The following COL16A1 variants were observed in gnomAD, a reference collection of about 807,000 sequenced individuals.
The protein encoded by COL16A1 is collagen type XVI alpha 1 chain.
A neutral mutation model predicts 266.3 loss-of-function variants in COL16A1; 189 were observed. The ratio of observed to expected loss-of-function variants is 0.71; its 90% confidence interval spans 0.63 to 0.80. COL16A1 has a LOEUF of 0.80. COL16A1 is among the 30% of genes least tolerant of loss of function. The pLI is 0.00. For missense variants in COL16A1, 1,928 were observed against 2,122.4 expected, an observed-to-expected ratio of 0.91 and a Z score of 1.80; for synonymous variants, 740 against 782.3, an observed-to-expected ratio of 0.95 and a Z score of 0.90.
At chr1:31,682,281 G>A (rs1435243343) in intron 37 of COL16A1, among the ~76,000 whole-genome samples, 1 of 152,186 alleles carries the variant, frequency 6.6e-6, no homozygotes, top group African/African-American at 2.4e-5. Flanking sequence ...GGAGCCACTG[G>A]GTGAATAGTA....
At chr1:31,659,295 A>T (rs1557610938) in intron 62 of COL16A1, among the ~76,000 whole-genome samples, 1 of 152,164 alleles carries the variant, frequency 6.6e-6, no homozygotes, top group Non-Finnish European at 1.5e-5. Flanking sequence ...CTAGGTGGCT[A>T]CTGAGACCCT....
intron 8 of COL16A1, among the ~76,000 whole-genome samples, chr1:31,696,373 A>G (rs1049246651): frequency 2.9e-5 from 4 of 135,854 alleles, no homozygotes; most frequent in Admixed American, 1.6e-4. Context: ...CCATGCATCA[A>G]TGGGATCCTG....
At chr1:31,675,404 C>G in intron 42 of COL16A1, 93 bp from the exon 43 acceptor site, 1 of 1,533,388 alleles carries the variant, frequency 6.5e-7, no homozygotes, top group East Asian at 2.4e-5. Flanking sequence ...CTCCTCTTCC[C>G]CTTGTCCTGC....
chr1:31,699,765 G>T, intron 4 of COL16A1, 48 bp downstream of exon 4: 1 of 1,205,624 alleles, frequency 8.3e-7, no homozygotes, highest in Non-Finnish European at 1.2e-6. Context: ...GCTGAGGAGT[G>T]TGGCTGAGGT....
Position 31,698,421 on chromosome 1 carries a change from G to A in COL16A1, c.390+62C>T. 3 of 1,603,222 alleles carry A rather than the reference G, an allele frequency of 1.9e-6. No homozygotes were observed. The highest frequency in any genetic ancestry group is 1.1e-5 in the South Asian group (1 of 89,512). ...CCAGAAGTCACAAGCCGGGATGAAA[G>A]GTGGGCTGGACTGGTGCTACCCAAT... is the stretch of plus-strand genomic sequence containing the variant. On this transcript the variant is annotated intron_variant, in intron 5 of 70. Coordinates refer to ENST00000373672, the MANE Select transcript of COL16A1 (RefSeq NM_001856.4). This position sits in a 1 kb window ranked among gnomAD's most constrained non-coding sequence, Gnocchi z 4.1.
At position 31,652,847 on chromosome 1, in the gene COL16A1, T is replaced by G. The variant is rs369261508; in HGVS notation, c.4619A>C (p.Gln1540Pro). The G allele has an allele frequency of 1.2e-5, 18 of 1,523,916 alleles. No individual in the cohort carries two copies. The East Asian group carries it at 2.6e-4, about 22-fold the overall frequency. 94.4% of individuals were successfully genotyped at this position (1,523,916 alleles called of 1,614,324 possible). The change falls in exon 71 of 71, where the codon CAA becomes CCA. Residue 1540 changes from glutamine to proline, a missense_variant. This residue lies in a region of COL16A1 where 376 missense variants were observed against 485.2 expected (regional missense o/e 0.77). Transcript: ENST00000373672. This position sits in a 1 kb window ranked among gnomAD's most constrained non-coding sequence, Gnocchi z 4.8. ...ENGLPGPPGP[Q>P]GPPGYGKMGA... ...CATCTTGCCATAGCCTGGAGGACCT[T>G]GAGGACCTAGGGAGGGAAGGGCCAC...
intron 42 of COL16A1, among the ~76,000 whole-genome samples, chr1:31,678,196 G>A (rs1296962740): frequency 6.6e-6 from 1 of 152,186 alleles, no homozygotes; most frequent in African/African-American, 2.4e-5. Flanking sequence ...CAGGGTGGCG[G>A]GGGTGGGGAG....
intron 8 of COL16A1, among the ~76,000 whole-genome samples, chr1:31,696,464 A>G (rs1429426235): frequency 6.6e-6 from 1 of 152,198 alleles, no homozygotes; most frequent in Non-Finnish European, 1.5e-5. Context: ...TAAAGGAGGA[A>G]CCAGGCTTCC....
chr1:31,667,430 C>T (rs1049026709), intron 52 of COL16A1, 145 bp downstream of exon 52: 2 of 670,194 alleles, frequency 3.0e-6, no homozygotes, highest in Non-Finnish European at 5.0e-6. Flanking sequence ...ACCTCCACAG[C>T]ACCCAGCCTG....
At chr1:31,673,617 T>G (rs1642930441) in intron 44 of COL16A1, among the ~76,000 whole-genome samples, 1 of 152,240 alleles carries the variant, frequency 6.6e-6, no homozygotes, top group Non-Finnish European at 1.5e-5. Context: ...TTGTACATAA[T>G]AAGCCCTGCA....
Position 31,655,070 on chromosome 1 carries a change from G to A in COL16A1, c.4291-212C>T, listed in dbSNP as rs557939357. ...GCGATCTTGGCTCACAGCAACCTCC[G>A]TAGATTCTCAATCCAAAGTCCTAAC... is the stretch of plus-strand genomic sequence containing the variant. On this transcript the variant is annotated intron_variant, in intron 67 of 70. Transcript: ENST00000373672. Among the ~76,000 whole-genome samples the A allele has an allele frequency of 7.2e-5, 10 of 138,728 alleles. No individual in the cohort carries two copies. In the East Asian group the frequency reaches 1.3e-3, roughly 19 times the overall value. 91.0% of individuals were successfully genotyped at this position (138,728 alleles called of 152,430 possible).
chr1:31,671,534 G>A, intron 48 of COL16A1, 81 bp downstream of exon 48: 1 of 1,576,502 alleles, frequency 6.3e-7, no homozygotes. Context: ...GCCTTTTGGG[G>A]ACAAGGCCGC....
chr1:31,693,633 C>T (rs1644373861), intron 12 of COL16A1, among the ~76,000 whole-genome samples: 1 of 152,212 alleles, frequency 6.6e-6, no homozygotes, highest in African/African-American at 2.4e-5. Context: ...CACACACAAG[C>T]ACAACTCACA....
Position 31,691,080 on chromosome 1 carries a change from C to A in COL16A1, c.1437+108G>T, listed in dbSNP as rs1006300168. Reference sequence around the variant, plus strand: ...CCAGCCTCCTCCTCCAAAGGCCCGGCCTCCTCCCTGGGACTTGCTTCCCCT... The same window carrying A: ...CCAGCCTCCTCCTCCAAAGGCCCGGACTCCTCCCTGGGACTTGCTTCCCCT... On this transcript the variant is annotated intron_variant, in intron 20 of 70. Coordinates refer to ENST00000373672, the MANE Select transcript of COL16A1 (RefSeq NM_001856.4). The A allele has an allele frequency of 4.0e-6, 6 of 1,515,390 alleles. No individual in the cohort carries two copies. The Admixed American group carries it at 8.5e-5, about 21-fold the overall frequency. 93.9% of individuals were successfully genotyped at this position (1,515,390 alleles called of 1,614,324 possible). A position where few individuals can be genotyped will look rare whatever the true frequency, so the allele number is the denominator to read the frequency against.
chr1:31,661,635 A>G (rs770150031), intron 59 of COL16A1, 25 bp downstream of exon 59: 1 of 1,613,970 alleles, frequency 6.2e-7, no homozygotes, highest in Non-Finnish European at 8.5e-7. Context: ...CGCAGCTTCC[A>G]ACTCCTTCCT....
rs766016382 is a variant in COL16A1 at position 31,690,597 on chromosome 1, C to T, written c.1438-24G>A. The stretch of plus-strand genomic sequence containing the variant: ...CCCTGTGGTCAGAAGAAAGGATAAG[C>T]GGGGAGCCTTCTGGCCAATGCAATC... On this transcript the variant is annotated intron_variant, in intron 20 of 70. Coordinates refer to ENST00000373672, the MANE Select transcript of COL16A1 (RefSeq NM_001856.4). 7.4e-6 allele frequency: 12 copies of T among 1,612,350 alleles called. No homozygotes were observed. In the African/African-American group the frequency reaches 8.0e-5, roughly 11 times the overall value.
intron 42 of COL16A1, among the ~76,000 whole-genome samples, chr1:31,675,651 T>C (rs754866684): frequency 1.4e-4 from 22 of 152,154 alleles, no homozygotes; most frequent in Non-Finnish European, 2.9e-4. Flanking sequence ...TTCTTTTTCC[T>C]TTCCTTTTCT....
chr1:31,665,657 C>G, intron 54 of COL16A1, 39 bp from the exon 55 acceptor site: 1 of 1,608,508 alleles, frequency 6.2e-7, no homozygotes, highest in Admixed American at 1.7e-5. Flanking sequence ...TGTGCCACCC[C>G]CTCTCTCCTG....
At position 31,670,700 on chromosome 1, in the gene COL16A1, G is replaced by C; in HGVS notation, c.3151-54C>G. 1 of 1,382,588 alleles carries C rather than the reference G, an allele frequency of 7.2e-7. No individual in the cohort carries two copies. The highest frequency in any genetic ancestry group is 1.7e-5 in the South Asian group (1 of 60,524). 85.6% of individuals were successfully genotyped at this position (1,382,588 alleles called of 1,614,324 possible). A position where few individuals can be genotyped will look rare whatever the true frequency, so the allele number is the denominator to read the frequency against. On this transcript the variant is annotated intron_variant, in intron 48 of 70. Coordinates refer to ENST00000373672, the MANE Select transcript of COL16A1 (RefSeq NM_001856.4). This position sits in a 1 kb window ranked among gnomAD's most constrained non-coding sequence, Gnocchi z 4.5. ...TCACAGGCACAGTAACCCTGGGACA[G>C]CCTGGAGGGCACAGTCTGGGGCTTG... is the stretch of plus-strand genomic sequence containing the variant.
Sources: gnomAD v4.1 joint callset for allele counts (sites outside exome capture counted in the v4.1 genomes callset) on GRCh38, gnomAD v4.1.1 for gene constraint, gnomAD v4.1.1 regional missense constraint, Gnocchi (gnomAD v3.1) non-coding constraint, MANE v1.5 for transcripts, NCBI Gene and HGNC (gene_info 2026-07-23, HGNC 2026-07-21) for gene names.